Variants in SEMA6D observed in about 807,000 individuals in gnomAD.
The protein encoded by SEMA6D is semaphorin 6D.
In SEMA6D, 35 loss-of-function variants were observed where a neutral mutation model predicts 106.6. The observed-to-expected ratio is 0.33, with a 90% CI of 0.25 to 0.44. SEMA6D has a LOEUF of 0.44. Among genes scored for constraint, SEMA6D ranks in the 20% least tolerant of loss-of-function variants. SEMA6D has a pLI of 1.00. For synonymous variants in SEMA6D, 499 were observed against 487.7 expected (o/e 1.02, Z -0.31); for missense variants, 1,185 against 1,345.9 (o/e 0.88, Z 1.87).
At chr15:47,184,518 C>G (rs1054519094) in intron 1 of SEMA6D, 1 of 152,208 alleles carries the variant, frequency 6.6e-6, no homozygotes, top group African/African-American at 2.4e-5. Context: ...AAAAGCGCAC[C>G]GGGGAGCTCT....
At chr15:47,607,198 T>C (rs529916967) in intron 4 of SEMA6D, among the ~76,000 whole-genome samples, 1 of 152,334 alleles carries the variant, frequency 6.6e-6, no homozygotes, top group Non-Finnish European at 1.5e-5. Context: ...AAGAAGTTTA[T>C]TAAAATCATA....
At chr15:47,500,343 A>G (rs2141591716) in intron 3 of SEMA6D, among the ~76,000 whole-genome samples, 1 of 152,262 alleles carries the variant, frequency 6.6e-6, no homozygotes, top group Admixed American at 6.5e-5. Flanking sequence ...ACATCTGCTG[A>G]CAATTTCTAA....
rs535470457 is a variant in SEMA6D, at chr15:47,772,093, A to G, written c.*308A>G. 3.3e-6 allele frequency: 1 copy of G among 303,638 alleles called. No individual in the cohort carries two copies. Among genetic ancestry groups the G allele is most frequent in the South Asian group, 9.5e-5 (1 of 10,582 alleles). 18.8% of individuals were successfully genotyped at this position (303,638 alleles called of 1,614,324 possible). On this transcript the variant is annotated 3_prime_UTR_variant, in exon 19 of 19. Transcript: ENST00000536845. Reference sequence around the variant, plus strand: ...AAGAGCTGATAACAGTACTCAGAAGAATCTGTGAACAAATACTTGAAAATG... The same window carrying G: ...AAGAGCTGATAACAGTACTCAGAAGGATCTGTGAACAAATACTTGAAAATG...
At chr15:47,438,933 C>T (rs429850) in intron 2 of SEMA6D, among the ~76,000 whole-genome samples, 2,493 of 151,894 alleles carry the variant, frequency 0.016, 72 homozygotes, top group African/African-American at 0.057. Context: ...TTTTATACGG[C>T]GCAATCTCCC....
In SEMA6D at chr15:47,552,738, A is replaced by C. The variant is rs147266674; in HGVS notation, c.-86-48127A>C. Among the ~76,000 whole-genome samples the C allele has an allele frequency of 1.0e-2, 1,322 of 132,248 alleles. 39 individuals carry two copies. The highest frequency in any genetic ancestry group is 0.036 in the African/African-American group (1,281 of 35,712). The allele number at this position is 132,248 out of a possible 152,430, so 86.8% of individuals were successfully genotyped here. A position where few individuals can be genotyped will look rare whatever the true frequency, so the allele number is the denominator to read the frequency against. ...GACATTTCATCAGCACAAAATTACA[A>C]GTAGAAGATAGGTTTGATATTGTTT... On this transcript the variant is annotated intron_variant, in intron 3 of 19. Coordinates refer to the SEMA6D transcript ENST00000558014.
chr15:47,279,816 T>C (rs2035023794), intron 1 of SEMA6D, among the ~76,000 whole-genome samples: 1 of 151,144 alleles, frequency 6.6e-6, no homozygotes, highest in South Asian at 2.1e-4. Flanking sequence ...TCTGTTTATA[T>C]GCTGGATTAC....
intron 1 of SEMA6D, among the ~76,000 whole-genome samples, chr15:47,372,849 A>G (rs945951231): frequency 6.6e-6 from 1 of 152,184 alleles, no homozygotes; most frequent in Non-Finnish European, 1.5e-5. Flanking sequence ...TCTAGTCGAT[A>G]ATCATAGGAC....
intron 4 of SEMA6D, among the ~76,000 whole-genome samples, chr15:47,638,807 CG>C (rs1289311881): frequency 6.6e-6 from 1 of 152,204 alleles, no homozygotes; most frequent in African/African-American, 2.4e-5. Context: ...TTTTAAAAAC[CG>C]GCTGCCTCAA....
At chr15:47,511,200 G>A (rs1276901717) in intron 3 of SEMA6D, among the ~76,000 whole-genome samples, 3 of 152,136 alleles carry the variant, frequency 2.0e-5, no homozygotes, top group South Asian at 2.1e-4. Flanking sequence ...TGAAGGAGGT[G>A]GAGTTGGTTT....
chr15:47,664,365 C>A (rs948899337), intron 4 of SEMA6D, among the ~76,000 whole-genome samples: 1 of 151,864 alleles, frequency 6.6e-6, no homozygotes, highest in Non-Finnish European at 1.5e-5. Context: ...GAGCTCTTAC[C>A]ACATGTGCCA....
chr15:47,533,844 G>T (rs1369876169), intron 3 of SEMA6D, among the ~76,000 whole-genome samples: 1 of 152,192 alleles, frequency 6.6e-6, no homozygotes, highest in South Asian at 2.1e-4. Flanking sequence ...ATAGGCTTGT[G>T]CAACTCACGC....
intron 1 of SEMA6D, among the ~76,000 whole-genome samples, chr15:47,756,787 G>A (rs1012183060): frequency 1.3e-5 from 2 of 151,892 alleles, no homozygotes; most frequent in Non-Finnish European, 1.5e-5. Context: ...CCCCTTCCTG[G>A]TACATTGCTT....
At chr15:47,436,802 T>G in intron 2 of SEMA6D, among the ~76,000 whole-genome samples, 1 of 147,194 alleles carries the variant, frequency 6.8e-6, no homozygotes, top group Non-Finnish European at 1.5e-5. Flanking sequence ...GAAGTGGTGG[T>G]GCATGCCTAT....
rs1396532920 is a variant in SEMA6D at position 47,679,112 on chromosome 15, A to G, written c.-55+78216A>G. ...GTATTCATGCACATAGAATTGATTAATATTTGCTGCTGCTGCAAATAAGTG... is the reference window on the plus strand; with the variant it reads ...GTATTCATGCACATAGAATTGATTAGTATTTGCTGCTGCTGCAAATAAGTG... On this transcript the variant is annotated intron_variant, in intron 4 of 19. Coordinates refer to the SEMA6D transcript ENST00000558014. Among the ~76,000 whole-genome samples, 8 of 152,356 alleles carry G rather than the reference A, an allele frequency of 5.3e-5. No individual in the cohort carries two copies. In the East Asian group the frequency reaches 9.6e-4, roughly 18 times the overall value.
intron 1 of SEMA6D, among the ~76,000 whole-genome samples, chr15:47,283,097 C>A (rs2035204207): frequency 1.3e-5 from 2 of 152,038 alleles, no homozygotes; most frequent in South Asian, 4.1e-4. Context: ...GTTGGAAAGC[C>A]CTTCACAGTG....
At position 47,773,731 on chromosome 15, in the gene SEMA6D, C is replaced by G. The variant is rs1417195085; in HGVS notation, c.*1946C>G. 6.6e-6 allele frequency: 1 copy of G among 152,564 alleles called. No homozygotes were observed. Among genetic ancestry groups the G allele is most frequent in the African/African-American group, 2.4e-5 (1 of 41,410 alleles). 9.5% of individuals were successfully genotyped at this position (152,564 alleles called of 1,614,324 possible). On this transcript the variant is annotated 3_prime_UTR_variant, in exon 19 of 19. Coordinates refer to ENST00000536845, the MANE Select transcript of SEMA6D (RefSeq NM_001358351.3). ...AAAGCTAAAATTTCTGTTCTTGAAA[C>G]ACTTCAGCTTTGCAACTAAAATATT...
intron 4 of SEMA6D, among the ~76,000 whole-genome samples, chr15:47,701,191 C>T (rs761532015): frequency 4.6e-5 from 7 of 152,112 alleles, no homozygotes; most frequent in Non-Finnish European, 1.0e-4. Context: ...TCCCAAATGA[C>T]ATGTCTGATA....
At chr15:47,495,623 G>T (rs2043629065) in intron 3 of SEMA6D, among the ~76,000 whole-genome samples, 2 of 151,968 alleles carry the variant, frequency 1.3e-5, no homozygotes. Flanking sequence ...GTGTTTATGT[G>T]TGGGGTGGTA....
At chr15:47,291,327 T>C (rs983598745) in intron 1 of SEMA6D, among the ~76,000 whole-genome samples, 1 of 152,148 alleles carries the variant, frequency 6.6e-6, no homozygotes, top group Non-Finnish European at 1.5e-5. Context: ...ATGCCTGAGG[T>C]TGTAAGTCTG....
Sources: gnomAD v4.1 joint callset for allele counts (sites outside exome capture counted in the v4.1 genomes callset) on GRCh38, gnomAD v4.1.1 for gene constraint, MANE v1.5 for transcripts, NCBI Gene and HGNC (gene_info 2026-07-23, HGNC 2026-07-21) for gene names.